Variants in PDPR observed in about 807,000 individuals in gnomAD.
PDPR encodes the protein pyruvate dehydrogenase phosphatase regulatory subunit, mitochondrial.
Under a neutral mutation model 102.2 loss-of-function variants are expected in PDPR, and 50 were observed. That is an observed-to-expected ratio of 0.49 (90% CI 0.39 to 0.62). The LOEUF (loss-of-function observed/expected upper bound fraction) is 0.62. PDPR is among the 20% of genes least tolerant of loss of function. PDPR has a pLI of 0.00. For synonymous variants in PDPR, 259 were observed against 406.0 expected, an observed-to-expected ratio of 0.64 and a Z score of 4.35; for missense variants, 625 against 1,098.2, an observed-to-expected ratio of 0.57 and a Z score of 6.09.
At position 70,114,424 on chromosome 16, in the gene PDPR, C is replaced by T. The variant is rs1202743187; in HGVS notation, c.-159C>T. ...GCCGGGCTGTAGCTGAGCGCGGAGC[C>T]CGTGGGGACCGGTGAGGTAAGGAGA... On this transcript the variant is annotated 5_prime_UTR_variant, in exon 1 of 19. Transcript: ENST00000288050. 1 of 152,226 alleles carries T rather than the reference C, an allele frequency of 6.6e-6. No individual in the cohort carries two copies. The highest frequency in any genetic ancestry group is 1.9e-4 in the East Asian group (1 of 5,186). 9.4% of individuals were successfully genotyped at this position (152,226 alleles called of 1,614,324 possible). A position where few individuals can be genotyped will look rare whatever the true frequency, so the allele number is the denominator to read the frequency against.
chr16:70,148,287 A>G (rs1477081766), intron 16 of PDPR, among the ~76,000 whole-genome samples, 177 bp from the exon 17 acceptor site: 8 of 152,254 alleles, frequency 5.3e-5, no homozygotes, highest in African/African-American at 1.7e-4. Context: ...GCAGTGCTCC[A>G]TTCTCTGTGC....
chr16:70,116,501 G>A (rs1962648123), intron 2 of PDPR, among the ~76,000 whole-genome samples: 1 of 147,562 alleles, frequency 6.8e-6, no homozygotes, highest in African/African-American at 2.5e-5. Flanking sequence ...TACCTCAGGA[G>A]TTCAGGACCA....
At chr16:70,125,039 G>A (rs1963779576) in intron 3 of PDPR, among the ~76,000 whole-genome samples, 1 of 152,218 alleles carries the variant, frequency 6.6e-6, no homozygotes, top group South Asian at 2.1e-4. Flanking sequence ...TAAAGTTTAT[G>A]TACTTTTGAA....
At chr16:70,143,000 A>G (rs1303228998) in intron 13 of PDPR, among the ~76,000 whole-genome samples, 1 of 152,274 alleles carries the variant, frequency 6.6e-6, no homozygotes, top group Admixed American at 6.5e-5. Context: ...GTTCAAGACC[A>G]GCCTGGCCAA....
intron 17 of PDPR, among the ~76,000 whole-genome samples, chr16:70,151,927 T>C (rs562929711): frequency 1.2e-4 from 19 of 152,398 alleles, no homozygotes; most frequent in Non-Finnish European, 2.8e-4. Context: ...TTTGAGTAAA[T>C]GGTGGGGACC....
At chr16:70,122,108 T>G (rs1421927478) in intron 3 of PDPR, among the ~76,000 whole-genome samples, 6 of 152,246 alleles carry the variant, frequency 3.9e-5, no homozygotes, top group African/African-American at 1.4e-4. Context: ...TGCCTCAGCC[T>G]CCCGAGTTGC....
downstream of PDPR, among the ~76,000 whole-genome samples, chr16:70,162,856 G>T (rs1184323618): frequency 6.6e-6 from 1 of 152,280 alleles, no homozygotes; most frequent in Non-Finnish European, 1.5e-5. Flanking sequence ...GGGGGGTCGT[G>T]TTCTCACCCT....
intron 17 of PDPR, among the ~76,000 whole-genome samples, chr16:70,151,777 G>A (rs1364028519): frequency 6.6e-6 from 1 of 152,194 alleles, no homozygotes; most frequent in Non-Finnish European, 1.5e-5. Context: ...TTATAAGCTG[G>A]CTTTTGTCCA....
intron 3 of PDPR, among the ~76,000 whole-genome samples, chr16:70,122,013 G>T (rs1468807443): frequency 6.6e-6 from 1 of 152,116 alleles, no homozygotes; most frequent in African/African-American, 2.4e-5. Flanking sequence ...TTGAAATGGA[G>T]TCTGGCTCTG....
At chr16:70,155,017 C>T (rs1172300254) in intron 18 of PDPR, among the ~76,000 whole-genome samples, 1 of 152,146 alleles carries the variant, frequency 6.6e-6, no homozygotes, top group African/African-American at 2.4e-5. Context: ...CATGGTGAAA[C>T]CCCGTATCTG....
At chr16:70,147,574 C>G (rs566767803) in intron 16 of PDPR, 2 of 450,920 alleles carry the variant, frequency 4.4e-6, no homozygotes, top group Admixed American at 2.4e-5. Flanking sequence ...AAACTGTAAC[C>G]GAATGAAAGC....
intron 2 of PDPR, among the ~76,000 whole-genome samples, chr16:70,119,115 G>A (rs1318787484): frequency 6.6e-6 from 1 of 152,032 alleles, no homozygotes; most frequent in Non-Finnish European, 1.5e-5. Context: ...TTCTTCTTCA[G>A]TTTCTTGAAA....
chr16:70,133,487 G>A (rs11861564), intron 9 of PDPR, among the ~76,000 whole-genome samples: 4,038 of 143,552 alleles, frequency 0.028, 70 homozygotes, highest in African/African-American at 0.1. Flanking sequence ...GCACAATCTC[G>A]GCTCACTCCA....
In PDPR at chr16:70,140,577, G is replaced by T. The variant is rs1222017707; in HGVS notation, c.1315+1554G>T. 7.9e-5 allele frequency among the ~76,000 whole-genome samples: 12 copies of T among 152,194 alleles called. No homozygotes were observed. The East Asian group carries it at 2.1e-3, about 27-fold the overall frequency. On this transcript the variant is annotated intron_variant, in intron 11 of 18. Transcript: ENST00000288050. Reference sequence around the variant, plus strand: ...CTCAAGCCTGTAATCCCAGCATGTTGGGAGGCTGAGGCAGGCGGATCACTT... The same window carrying T: ...CTCAAGCCTGTAATCCCAGCATGTTTGGAGGCTGAGGCAGGCGGATCACTT...
chr16:70,133,222 C>T (rs1384511607), intron 9 of PDPR, among the ~76,000 whole-genome samples: 3 of 148,110 alleles, frequency 2.0e-5, no homozygotes, highest in Non-Finnish European at 3.0e-5. Flanking sequence ...TCAAGTGATT[C>T]TCCTGCCTCA....
intron 9 of PDPR, among the ~76,000 whole-genome samples, chr16:70,133,545 G>A (rs891930726): frequency 1.3e-5 from 2 of 151,762 alleles, no homozygotes; most frequent in East Asian, 1.9e-4. Flanking sequence ...AGCCTCCTGA[G>A]TAGCTGGGAT....
At chr16:70,115,724 C>G (rs1400568057) in intron 2 of PDPR, among the ~76,000 whole-genome samples, 2 of 152,092 alleles carry the variant, frequency 1.3e-5, no homozygotes, top group African/African-American at 4.8e-5. Flanking sequence ...CTGAGTAGAG[C>G]CAGCTGCAGT....
chr16:70,128,714 T>C, intron 4 of PDPR, 70 bp from the exon 5 acceptor site: 1 of 1,611,468 alleles, frequency 6.2e-7, no homozygotes, highest in Non-Finnish European at 8.5e-7. Context: ...ACCTATAATC[T>C]AGTGGATTTT....
Position 70,159,419 on chromosome 16 carries a change from A to C in PDPR, c.*2540A>C, listed in dbSNP as rs1009818087. ...TGTCCATGAATAGGGTCATACTCCTAAGACTGATGGGGTGTTGATCTTCTA... is the reference window on the plus strand; with the variant it reads ...TGTCCATGAATAGGGTCATACTCCTCAGACTGATGGGGTGTTGATCTTCTA... On this transcript the variant is annotated 3_prime_UTR_variant, in exon 19 of 19. Coordinates refer to ENST00000288050, the MANE Select transcript of PDPR (RefSeq NM_017990.5). 6.6e-6 allele frequency: 1 copy of C among 152,602 alleles called. No homozygotes were observed. Among genetic ancestry groups the C allele is most frequent in the African/African-American group, 2.4e-5 (1 of 41,474 alleles). The allele number at this position is 152,602 out of a possible 1,614,324, so 9.5% of individuals were successfully genotyped here. A position where few individuals can be genotyped will look rare whatever the true frequency, so the allele number is the denominator to read the frequency against.
Sources: gnomAD v4.1 joint callset for allele counts (sites outside exome capture counted in the v4.1 genomes callset) on GRCh38, gnomAD v4.1.1 for gene constraint, MANE v1.5 for transcripts, NCBI Gene and HGNC (gene_info 2026-07-23, HGNC 2026-07-21) for gene names.